The following CDH13 variants were observed in gnomAD, a reference collection of about 807,000 sequenced individuals.
CDH13 encodes cadherin 13.
A neutral mutation model predicts 63.8 loss-of-function variants in CDH13; 24 were observed. That is an observed-to-expected ratio of 0.38 (90% CI 0.27 to 0.53). CDH13 has a LOEUF of 0.53. CDH13 is among the 20% of genes least tolerant of loss of function. The pLI is 0.85. For synonymous variants in CDH13, 503 were observed against 355.3 expected (o/e 1.42, Z -4.67); for missense variants, 1,049 against 903.1 (o/e 1.16, Z -2.07).
intron 6 of CDH13, among the ~76,000 whole-genome samples, chr16:83,349,404 C>G (rs1306431123): frequency 6.6e-6 from 1 of 152,072 alleles, no homozygotes; most frequent in Non-Finnish European, 1.5e-5. Context: ...GTTTTGCCCT[C>G]TGGTGGTTTC....
At chr16:82,872,513 A>G (rs974514306) in intron 2 of CDH13, among the ~76,000 whole-genome samples, 3 of 152,264 alleles carry the variant, frequency 2.0e-5, no homozygotes, top group African/African-American at 7.2e-5. Flanking sequence ...GCATCAAAAT[A>G]TAAATTGGGA....
At chr16:83,753,488 G>C (rs1338212939) in intron 11 of CDH13, among the ~76,000 whole-genome samples, 2 of 152,184 alleles carry the variant, frequency 1.3e-5, no homozygotes, top group African/African-American at 4.8e-5. Context: ...CAAGGCTGCA[G>C]TGAGCCAAGA....
At chr16:83,538,933 T>G (rs2075247711) in intron 7 of CDH13, among the ~76,000 whole-genome samples, 1 of 152,196 alleles carries the variant, frequency 6.6e-6, no homozygotes, top group South Asian at 2.1e-4. Flanking sequence ...CAATCTACAT[T>G]TCAACTACCA....
intron 10 of CDH13, chr16:83,717,973 C>A (rs1266220391): frequency 2.6e-5 from 4 of 152,254 alleles, no homozygotes; most frequent in African/African-American, 9.6e-5. Flanking sequence ...CTGCTCTGGG[C>A]ATTGGCCTCT....
intron 2 of CDH13, among the ~76,000 whole-genome samples, chr16:83,021,640 A>G (rs1915359159): frequency 6.6e-6 from 1 of 152,200 alleles, no homozygotes; most frequent in African/African-American, 2.4e-5. Flanking sequence ...ACATGATAGA[A>G]TTGAAACTCT....
At chr16:82,971,571 C>T (rs1211265042) in intron 2 of CDH13, among the ~76,000 whole-genome samples, 1 of 152,204 alleles carries the variant, frequency 6.6e-6, no homozygotes, top group Non-Finnish European at 1.5e-5. Context: ...GGACATCATC[C>T]AGTTCACCAT....
At chr16:83,135,441 G>T (rs1448882701) in intron 4 of CDH13, among the ~76,000 whole-genome samples, 1 of 152,182 alleles carries the variant, frequency 6.6e-6, no homozygotes, top group African/African-American at 2.4e-5. Context: ...TGTCCCCATT[G>T]TACAGTGGAG....
intron 1 of CDH13, among the ~76,000 whole-genome samples, chr16:82,789,013 C>A (rs8050519): frequency 0.069 from 10,559 of 152,246 alleles, 394 homozygotes; most frequent in Middle Eastern, 0.12. Context: ...TTTGGACTCA[C>A]CTCTGGGTTG....
intron 1 of CDH13, among the ~76,000 whole-genome samples, chr16:82,723,974 T>C (rs2032940628): frequency 6.6e-6 from 1 of 152,086 alleles, no homozygotes; most frequent in Non-Finnish European, 1.5e-5. Context: ...TTGAAATAAC[T>C]CTGGTAAGTG....
intron 2 of CDH13, among the ~76,000 whole-genome samples, chr16:83,025,418 C>A (rs1197327478): frequency 6.6e-6 from 1 of 152,144 alleles, no homozygotes; most frequent in African/African-American, 2.4e-5. Context: ...GAAGGGAAAG[C>A]AAACACATCC....
At chr16:83,003,171 C>G (rs559993060) in intron 2 of CDH13, among the ~76,000 whole-genome samples, 15 of 152,256 alleles carry the variant, frequency 9.9e-5, no homozygotes, top group Middle Eastern at 6.8e-3. Flanking sequence ...TGTGTTCAGT[C>G]CCATATGACA....
chr16:83,148,484 C>G (rs1273764124), intron 4 of CDH13, among the ~76,000 whole-genome samples: 2 of 152,196 alleles, frequency 1.3e-5, no homozygotes, highest in African/African-American at 2.4e-5. Context: ...CCCAGCCCTG[C>G]CATTCACCAG....
At chr16:82,745,565 C>G (rs2034124974) in intron 1 of CDH13, among the ~76,000 whole-genome samples, 1 of 152,110 alleles carries the variant, frequency 6.6e-6, no homozygotes, top group African/African-American at 2.4e-5. Flanking sequence ...GATCACGCCA[C>G]TGAACTCCAG....
At chr16:83,182,891 C>T (rs1246788484) in intron 4 of CDH13, among the ~76,000 whole-genome samples, 6 of 151,830 alleles carry the variant, frequency 4.0e-5, no homozygotes. Flanking sequence ...TGCATTTTTC[C>T]TTTTCTGAAT....
chr16:83,546,429 G>GGT (rs796543183), intron 7 of CDH13, among the ~76,000 whole-genome samples: 4 of 143,554 alleles, frequency 2.8e-5, no homozygotes, highest in African/African-American at 7.8e-5. Flanking sequence ...CATACTACTG[G>GGT]TTTTTTTTTT....
intron 6 of CDH13, among the ~76,000 whole-genome samples, chr16:83,450,083 G>A (rs1453867836): frequency 6.6e-6 from 1 of 152,178 alleles, no homozygotes; most frequent in Non-Finnish European, 1.5e-5. Flanking sequence ...CTCTGACCCA[G>A]CACGGTGCCT....
intron 7 of CDH13, among the ~76,000 whole-genome samples, chr16:83,530,456 A>T (rs1011906230): frequency 6.6e-6 from 1 of 152,186 alleles, no homozygotes; most frequent in African/African-American, 2.4e-5. Context: ...GAGAGCCAAA[A>T]TTGAGCACTG....
chr16:83,261,529 T>C (rs943623700), intron 5 of CDH13, among the ~76,000 whole-genome samples: 13 of 152,038 alleles, frequency 8.6e-5, no homozygotes, highest in African/African-American at 3.1e-4. Flanking sequence ...AAAGTATCTA[T>C]TAGTATCTAT....
intron 5 of CDH13, among the ~76,000 whole-genome samples, chr16:83,217,982 G>A (rs1237704306): frequency 6.6e-6 from 1 of 152,200 alleles, no homozygotes; most frequent in East Asian, 1.9e-4. Context: ...TGAAGAAGTT[G>A]TGTTATATGG....
Sources: gnomAD v4.1 joint callset for allele counts (sites outside exome capture counted in the v4.1 genomes callset) on GRCh38, gnomAD v4.1.1 for gene constraint, MANE v1.5 for transcripts, NCBI Gene and HGNC (gene_info 2026-07-23, HGNC 2026-07-21) for gene names.